Variants in C4orf50 observed in about 807,000 individuals in gnomAD.
C4orf50 encodes the protein chromosome 4 open reading frame 50, also known as uncharacterized protein C4orf50.
C4orf50 carries 80 observed loss-of-function variants against 77.2 expected under a neutral mutation model. That is an observed-to-expected ratio of 1.04 (90% confidence interval 0.87 to 1.25). The LOEUF is 1.25. Ranked by LOEUF, C4orf50 falls within the 50% of genes most tolerant of loss-of-function variation. The pLI, the probability that C4orf50 is intolerant of heterozygous loss-of-function variation, is 0.00. For missense variants in C4orf50, 1,257 were observed against 1,152.9 expected, an observed-to-expected ratio of 1.09 and a Z score of -1.31; for synonymous variants, 532 against 465.3, an observed-to-expected ratio of 1.14 and a Z score of -1.84.
chr4:5,926,579 G>A (rs926288670), intron 7 of C4orf50, among the ~76,000 whole-genome samples: 3 of 152,118 alleles, frequency 2.0e-5, no homozygotes, highest in African/African-American at 4.8e-5. Flanking sequence ...GCACTTTAAC[G>A]TGGCTCAAAT....
At chr4:6,004,078 ATGTGATAG>A (rs1722038828) in intron 25 of C4orf50, among the ~76,000 whole-genome samples, 1 of 20,402 alleles carries the variant, frequency 4.9e-5, no homozygotes. Context: ...GATGGTGATG[ATGTGATAG>A]TGATGATGGT....
At chr4:5,976,167 C>T (rs1482151871) in intron 29 of C4orf50, among the ~76,000 whole-genome samples, 1 of 151,966 alleles carries the variant, frequency 6.6e-6, no homozygotes. Context: ...TCAGCTTGGC[C>T]GGGCGCAGTG....
At chr4:5,980,115 A>AACAAATCTTTGTTC in intron 29 of C4orf50, 59 bp downstream of exon 7, 1 of 1,468,762 alleles carries the variant, frequency 6.8e-7, no homozygotes, top group East Asian at 2.4e-5. Context: ...TCACTCCCAA[A>AACAAATCTTTGTTC]ACGCCCCGGG....
intron 29 of C4orf50, among the ~76,000 whole-genome samples, chr4:5,977,262 G>A (rs1358485776): frequency 6.6e-6 from 1 of 152,172 alleles, no homozygotes; most frequent in Non-Finnish European, 1.5e-5. Context: ...CAAAACAGGT[G>A]TTGTGTGAGT....
intron 29 of C4orf50, among the ~76,000 whole-genome samples, chr4:5,979,743 A>C (rs562297471): frequency 2.6e-5 from 4 of 152,362 alleles, no homozygotes; most frequent in Non-Finnish European, 4.4e-5. Flanking sequence ...CACAACCAGG[A>C]ATTGAAATGG....
downstream of C4orf50, among the ~76,000 whole-genome samples, chr4:5,955,585 G>A (rs76267598): frequency 9.3e-4 from 141 of 152,328 alleles, no homozygotes; most frequent in Non-Finnish European, 1.3e-3. The surrounding 1 kb of genome is among the most constrained non-coding windows in gnomAD (Gnocchi z 5.1). Flanking sequence ...GATGGGGATA[G>A]GAACGCAGGA....
At chr4:6,003,910 TTGA>T (rs1722000992) in intron 25 of C4orf50, among the ~76,000 whole-genome samples, 7 of 18,500 alleles carry the variant, frequency 3.8e-4, no homozygotes, top group South Asian at 1.4e-3. Flanking sequence ...GATGGTGATG[TTGA>T]TGATGGTGGT....
At chr4:5,921,511 T>C (rs1231813540) in intron 7 of C4orf50, among the ~76,000 whole-genome samples, 1 of 152,060 alleles carries the variant, frequency 6.6e-6, no homozygotes, top group Non-Finnish European at 1.5e-5. Context: ...AATGCAAAGT[T>C]AGAGTTGGCT....
exon 29 of C4orf50, chr4:5,980,220 G>A (rs754086301): frequency 7.0e-5 from 112 of 1,609,598 alleles, no homozygotes; most frequent in Admixed American, 1.2e-4. Context: ...GTCCAGAGAC[G>A]CCTGGTGGGC....
intron 25 of C4orf50, among the ~76,000 whole-genome samples, chr4:5,995,195 G>A (rs774002696): frequency 2.0e-5 from 3 of 152,064 alleles, no homozygotes; most frequent in Non-Finnish European, 4.4e-5. Flanking sequence ...GAGTCACCCC[G>A]AACACAGCCC....
At chr4:5,988,429 G>C in exon 28 of C4orf50, 2 of 1,606,902 alleles carry the variant, frequency 1.2e-6, no homozygotes, top group Non-Finnish European at 1.7e-6. Flanking sequence ...CTCCAAATGT[G>C]CTTCTTTCAC....
chr4:5,905,598 A>G lies in C4orf50; in HGVS notation c.*2475-7410T>C, dbSNP rs1240789986. 1 of 152,234 alleles carries G rather than the reference A, an allele frequency of 6.6e-6. No individual in the cohort carries two copies. The highest frequency in any genetic ancestry group is 1.9e-4 in the East Asian group (1 of 5,188). 9.4% of individuals were successfully genotyped at this position (152,234 alleles called of 1,614,324 possible). Reference sequence around the variant, plus strand: ...ATGTGGTGGACTTATATCATGGAGTATCTATCATACAATTATCAGCTTGCT... The same window carrying G: ...ATGTGGTGGACTTATATCATGGAGTGTCTATCATACAATTATCAGCTTGCT... On this transcript the variant is annotated intron_variant, in intron 7 of 7. Transcript: ENST00000324058. This position sits in a 1 kb window ranked among gnomAD's most constrained non-coding sequence, Gnocchi z 5.4.
At chr4:5,978,365 C>G (rs1204601980) in intron 29 of C4orf50, among the ~76,000 whole-genome samples, 1 of 152,090 alleles carries the variant, frequency 6.6e-6, no homozygotes, top group Admixed American at 6.5e-5. Context: ...GCAAAATAGA[C>G]TAACTGAAAT....
intron 7 of C4orf50, among the ~76,000 whole-genome samples, chr4:5,924,471 G>A (rs1331201079): frequency 6.6e-6 from 1 of 152,200 alleles, no homozygotes; most frequent in Non-Finnish European, 1.5e-5. Context: ...CCCAGGGCCA[G>A]CAGGAGCAGA....
At chr4:5,959,867 T>A (rs558812146) in intron 33 of C4orf50, among the ~76,000 whole-genome samples, 2 of 152,272 alleles carry the variant, frequency 1.3e-5, no homozygotes, top group Admixed American at 6.5e-5. Context: ...AGCGTGAGGC[T>A]CCCTCTCCAC....
intron 7 of C4orf50, among the ~76,000 whole-genome samples, chr4:5,913,772 G>A (rs1020400458): frequency 2.4e-4 from 36 of 152,194 alleles, no homozygotes; most frequent in Admixed American, 2.3e-3. Context: ...TACAGAAAGC[G>A]GGGCTTTCTC....
At chr4:5,994,360 T>C in exon 26 of C4orf50, 1 of 399,256 alleles carries the variant, frequency 2.5e-6, no homozygotes, top group Non-Finnish European at 4.4e-6. Flanking sequence ...CTGGGGCCCT[T>C]TGTCTGGGTG....
intron 30 of C4orf50, among the ~76,000 whole-genome samples, chr4:5,974,909 G>A (rs1206311906): frequency 2.0e-5 from 3 of 151,914 alleles, no homozygotes; most frequent in East Asian, 3.9e-4. Context: ...GAGGCCAAGA[G>A]GGGGTGGATC....
intron 7 of C4orf50, among the ~76,000 whole-genome samples, chr4:5,944,318 G>A (rs923041937): frequency 1.2e-4 from 18 of 152,284 alleles, no homozygotes; most frequent in African/African-American, 3.6e-4. Context: ...GTCCTCTGCA[G>A]GGGAATGACT....
Sources: allele counts gnomAD v4.1 joint callset (sites outside exome capture counted in the v4.1 genomes callset), GRCh38; gene constraint gnomAD v4.1.1; non-coding constraint Gnocchi (gnomAD v3.1); transcripts MANE v1.5; gene names NCBI Gene and HGNC (gene_info 2026-07-23, HGNC 2026-07-21).